Variants in GFM1 observed in about 807,000 individuals in gnomAD.
GFM1 encodes G elongation factor mitochondrial 1.
A neutral mutation model predicts 96.2 loss-of-function variants in GFM1; 62 were observed. The observed-to-expected ratio is 0.64, with a 90% CI of 0.53 to 0.80. GFM1 has a LOEUF of 0.80. Ranked by LOEUF, GFM1 falls within the 30% of genes least tolerant of loss-of-function variation. The pLI, the probability that GFM1 is intolerant of heterozygous loss-of-function variation, is 0.00. For synonymous variants in GFM1, 282 were observed against 312.9 expected (o/e 0.90, Z 1.04); for missense variants, 852 against 916.6 (o/e 0.93, Z 0.91).
chr3:158,649,236 G>A (rs1177948313), intron 5 of GFM1, 79 bp downstream of exon 5: 5 of 714,852 alleles, frequency 7.0e-6, no homozygotes, highest in African/African-American at 5.4e-5. Flanking sequence ...TTCATCAAAC[G>A]CAGAGTAACT....
intron 11 of GFM1, among the ~76,000 whole-genome samples, chr3:158,663,495 A>T (rs1177910054): frequency 1.6e-5 from 2 of 129,018 alleles, no homozygotes; most frequent in African/African-American, 3.4e-5. Flanking sequence ...ATCTATTTTG[A>T]GGAACCTTGG....
intron 13 of GFM1, chr3:158,669,686 T>A: frequency 7.2e-7 from 1 of 1,381,190 alleles, no homozygotes; most frequent in Non-Finnish European, 1.0e-6. Context: ...AGATATGATT[T>A]AAAGCATAGG....
chr3:158,644,776 G>T (rs1721611387), intron 1 of GFM1, 61 bp downstream of exon 1: 7 of 1,394,078 alleles, frequency 5.0e-6, no homozygotes, highest in Non-Finnish European at 7.0e-6. Context: ...TCCCTTCTGG[G>T]CAATGGAAGG....
At chr3:158,646,397 A>T in intron 3 of GFM1, 100 bp downstream of exon 3, 1 of 1,240,168 alleles carries the variant, frequency 8.1e-7, no homozygotes, top group South Asian at 1.3e-5. Context: ...TCAAATACTC[A>T]AAAGTGTAAC....
chr3:158,665,360 AG>A lies in GFM1; in HGVS notation c.1406del (p.Gly469ValfsTer84). ...AGAACGATCTGGAAAAATTTTCAAAAGGTATTGGCAGGTTTACAAGAGAAGA... is the reference window on the plus strand; with the variant it reads ...AGAACGATCTGGAAAAATTTTCAAAAGTATTGGCAGGTTTACAAGAGAAGA... ...NKNDLEKFSK[G>X]IGRFTREDPT... On this transcript the variant is annotated frameshift_variant, in exon 12 of 18. Transcript: ENST00000486715. LOFTEE classifies it high-confidence loss of function. 6.2e-7 allele frequency: 1 copy of A among 1,610,558 alleles called. No individual in the cohort carries two copies. Among genetic ancestry groups the A allele is most frequent in the Non-Finnish European group, 8.5e-7 (1 of 1,177,082 alleles).
chr3:158,659,305 G>C (rs1008359129), intron 9 of GFM1, among the ~76,000 whole-genome samples: 6 of 152,082 alleles, frequency 3.9e-5, no homozygotes, highest in African/African-American at 1.4e-4. Flanking sequence ...CCAAGGTTAA[G>C]GAAAGAGACA....
intron 13 of GFM1, among the ~76,000 whole-genome samples, chr3:158,680,157 T>A (rs551887810): frequency 2.0e-5 from 3 of 152,274 alleles, no homozygotes; most frequent in African/African-American, 7.2e-5. Flanking sequence ...TCTTTTTCAA[T>A]TAAAAAAAAT....
intron 6 of GFM1, among the ~76,000 whole-genome samples, chr3:158,652,665 G>T (rs1306724491): frequency 6.6e-6 from 1 of 152,200 alleles, no homozygotes; most frequent in East Asian, 1.9e-4. Flanking sequence ...AAGGGCTGGG[G>T]CAGGACCTGG....
At position 158,665,359 on chromosome 3, in the gene GFM1, A is replaced by C; in HGVS notation, c.1403A>C (p.Lys468Thr). Reference sequence around the variant, plus strand: ...AAGAACGATCTGGAAAAATTTTCAAAAGGTATTGGCAGGTTTACAAGAGAA... The same window carrying C: ...AAGAACGATCTGGAAAAATTTTCAACAGGTATTGGCAGGTTTACAAGAGAA... ...SNKNDLEKFS[K>T]GIGRFTREDP... The change falls in exon 12 of 18, where the codon AAA (lysine) becomes ACA (threonine). Residue 468 changes from lysine to threonine, a missense_variant. Lys to Thr is a moderately conservative substitution (Grantham distance 78). Transcript: ENST00000486715. 5.0e-6 allele frequency: 8 copies of C among 1,611,168 alleles called. No individual in the cohort carries two copies. The highest frequency in any genetic ancestry group is 6.8e-6 in the Non-Finnish European group (8 of 1,177,616).
At position 158,683,467 on chromosome 3, in the gene GFM1, A is replaced by G. The variant is rs571580810; in HGVS notation, c.1765-1057A>G. On this transcript the variant is annotated intron_variant, in intron 14 of 17. Transcript: ENST00000486715. Reference sequence around the variant, plus strand: ...AATATGTGCAGTTTATTGTATATCAATTATACTTCAACAAAGCTATTCTTT... The same window carrying G: ...AATATGTGCAGTTTATTGTATATCAGTTATACTTCAACAAAGCTATTCTTT... 5.4e-4 allele frequency among the ~76,000 whole-genome samples: 83 copies of G among 152,352 alleles called. 6 individuals carry two copies. In the South Asian group the frequency reaches 0.017, roughly 31 times the overall value.
In GFM1 at chr3:158,662,861, C is replaced by T. The variant is rs543098015; in HGVS notation, c.1380+177C>T. 3.0e-4 allele frequency among the ~76,000 whole-genome samples: 45 copies of T among 152,248 alleles called. No individual in the cohort carries two copies. The South Asian group carries it at 9.1e-3, about 31-fold the overall frequency. ...CAGTCTGTTTCTAATGATAACTCCTCAGTATATTTGAAGAAATGGATGGTA... is the reference window on the plus strand; with the variant it reads ...CAGTCTGTTTCTAATGATAACTCCTTAGTATATTTGAAGAAATGGATGGTA... On this transcript the variant is annotated intron_variant, in intron 11 of 17. Coordinates refer to ENST00000486715, the MANE Select transcript of GFM1 (RefSeq NM_024996.7).
At chr3:158,680,245 G>T (rs975404956) in intron 13 of GFM1, among the ~76,000 whole-genome samples, 10 of 152,026 alleles carry the variant, frequency 6.6e-5, no homozygotes, top group Admixed American at 2.0e-4. Context: ...TAGTGTAATC[G>T]TCTGCCAAAT....
chr3:158,655,910 G>C (rs1722710948), intron 8 of GFM1: 1 of 457,144 alleles, frequency 2.2e-6, no homozygotes, highest in African/African-American at 2.0e-5. Context: ...TGATCTCCTA[G>C]GCTGTAATAG....
chr3:158,670,278 A>G (rs1724150945), intron 13 of GFM1, among the ~76,000 whole-genome samples: 1 of 152,206 alleles, frequency 6.6e-6, no homozygotes, highest in Non-Finnish European at 1.5e-5. Flanking sequence ...CTTCATCTGA[A>G]TGGTGGTATC....
chr3:158,678,716 C>G (rs1725114124), intron 13 of GFM1, among the ~76,000 whole-genome samples: 1 of 152,132 alleles, frequency 6.6e-6, no homozygotes, highest in South Asian at 2.1e-4. Flanking sequence ...AAGGGTAAAA[C>G]CTGGTTGATA....
intron 5 of GFM1, 96 bp from the exon 6 acceptor site, chr3:158,651,999 CT>C (rs112368036): frequency 3.6e-5 from 38 of 1,057,874 alleles, no homozygotes; most frequent in Non-Finnish European, 4.7e-5. Context: ...TCTTTGTTAC[CT>C]AAAAAAATAT....
At chr3:158,689,747 C>CAA (rs202180927) in intron 15 of GFM1, among the ~76,000 whole-genome samples, 36 of 92,296 alleles carry the variant, frequency 3.9e-4, no homozygotes, top group African/African-American at 1.3e-3. Context: ...GCTTGGGTGA[C>CAA]AAAAAAAAAA....
Position 158,659,060 on chromosome 3 carries a change from G to A in GFM1, c.1221+1G>A. The A allele has an allele frequency of 1.2e-6, 2 of 1,614,152 alleles. No individual in the cohort carries two copies. Among genetic ancestry groups the A allele is most frequent in the Non-Finnish European group, 1.7e-6 (2 of 1,180,030 alleles). ...TCGCATGCATGCCGACATGATGGAG[G>A]CAAGTACAGAGTCATTGTGAGATTA... On this transcript the variant is annotated splice_donor_variant, in intron 9 of 17. Transcript: ENST00000486715. LOFTEE classifies it high-confidence loss of function.
rs2107996192 is a variant in GFM1 at position 158,644,549 on chromosome 3, G to C, written c.-86G>C. On this transcript the variant is annotated 5_prime_UTR_variant, in exon 1 of 18. Transcript: ENST00000486715. ...AGTGCTCTTACAACATTGGCTGCCG[G>C]CGTGACTTTGACCGCTTCCCGGTGC... is the stretch of plus-strand genomic sequence containing the variant. The C allele has an allele frequency of 9.3e-7, 1 of 1,070,556 alleles. No individual in the cohort carries two copies. Among genetic ancestry groups the C allele is most frequent in the East Asian group, 2.6e-5 (1 of 38,690 alleles). 66.3% of individuals were successfully genotyped at this position (1,070,556 alleles called of 1,614,324 possible).
Sources: gnomAD v4.1 joint callset for allele counts (sites outside exome capture counted in the v4.1 genomes callset) on GRCh38, gnomAD v4.1.1 for gene constraint, MANE v1.5 for transcripts, NCBI Gene and HGNC (gene_info 2026-07-23, HGNC 2026-07-21) for gene names.